The following EIF4ENIF1 variants were observed in gnomAD, a reference collection of about 807,000 sequenced individuals.
EIF4ENIF1 encodes the protein eukaryotic translation initiation factor 4E transporter.
A neutral mutation model predicts 110.5 loss-of-function variants in EIF4ENIF1; 23 were observed. The observed-to-expected ratio is 0.21, with a 90% CI of 0.15 to 0.29. The LOEUF is 0.29. Among genes scored for constraint, EIF4ENIF1 ranks in the 10% least tolerant of loss-of-function variants. EIF4ENIF1 has a pLI of 1.00. For missense variants in EIF4ENIF1, 1,031 were observed against 1,221.1 expected (o/e 0.84, Z 2.32); for synonymous variants, 440 against 437.0 (o/e 1.01, Z -0.09).
chr22:31,450,809 CAT>C (rs1265661575), intron 10 of EIF4ENIF1: 6 of 198,004 alleles, frequency 3.0e-5, no homozygotes, highest in Admixed American at 1.2e-4. Context: ...CATACACATA[CAT>C]ATACACACAT....
In EIF4ENIF1 at chr22:31,450,719, G is replaced by GAC. The variant is rs10550760; in HGVS notation, c.1513-361_1513-360dup. The GAC allele has an allele frequency of 4.2e-3, 1,040 of 246,504 alleles. 10 individuals carry two copies. Among genetic ancestry groups the GAC allele is most frequent in the African/African-American group, 0.02 (878 of 44,052 alleles). 15.3% of individuals were successfully genotyped at this position (246,504 alleles called of 1,614,324 possible). On this transcript the variant is annotated intron_variant, in intron 10 of 18. Coordinates refer to ENST00000330125, the MANE Select transcript of EIF4ENIF1 (RefSeq NM_019843.4). Reference sequence around the variant, plus strand: ...ATTACCTTTAACAAGATTTATTGGAGACACACACACACACACACACACTCA... The same window carrying GAC: ...ATTACCTTTAACAAGATTTATTGGAGACACACACACACACACACACACACTCA...
intron 2 of EIF4ENIF1, among the ~76,000 whole-genome samples, chr22:31,479,218 C>G (rs577381217): frequency 2.2e-4 from 33 of 152,096 alleles, no homozygotes; most frequent in African/African-American, 7.9e-4. Context: ...AGGCTCATGC[C>G]GCCATGCCCG....
intron 2 of EIF4ENIF1, among the ~76,000 whole-genome samples, chr22:31,482,248 GGTCA>G (rs982544868): frequency 6.6e-6 from 1 of 152,028 alleles, no homozygotes; most frequent in Non-Finnish European, 1.5e-5. Flanking sequence ...GTTTAACACT[GGTCA>G]GTATCAAGCT....
chr22:31,459,452 C>T (rs1301250480), intron 6 of EIF4ENIF1, among the ~76,000 whole-genome samples: 4 of 152,154 alleles, frequency 2.6e-5, no homozygotes, highest in Admixed American at 1.3e-4. Flanking sequence ...TCCTTCAAGG[C>T]GAAATTCAAA....
chr22:31,490,332 T>G (rs1328533156), upstream of EIF4ENIF1, among the ~76,000 whole-genome samples: 1 of 152,234 alleles, frequency 6.6e-6, no homozygotes, highest in Non-Finnish European at 1.5e-5. Flanking sequence ...GATAGGAGAT[T>G]GGGGTCTTCC....
chr22:31,467,414 A>G (rs1281665384), intron 4 of EIF4ENIF1, among the ~76,000 whole-genome samples: 1 of 152,172 alleles, frequency 6.6e-6, no homozygotes, highest in Non-Finnish European at 1.5e-5. Flanking sequence ...TTCACCCTTA[A>G]ACAACGTTTC....
intron 6 of EIF4ENIF1, 104 bp from the exon 7 acceptor site, chr22:31,458,754 T>A: frequency 9.4e-7 from 1 of 1,068,170 alleles, no homozygotes; most frequent in Non-Finnish European, 1.3e-6. Flanking sequence ...ACACATGACT[T>A]AAAAAGCAGA....
chr22:31,458,677 G>C, intron 6 of EIF4ENIF1, 27 bp from the exon 7 acceptor site: 1 of 1,547,370 alleles, frequency 6.5e-7, no homozygotes, highest in Non-Finnish European at 8.7e-7. Flanking sequence ...GACAAAAACC[G>C]TCTGATAAGT....
intron 7 of EIF4ENIF1, 148 bp from the exon 8 acceptor site, chr22:31,456,135 CCT>C: frequency 1.4e-6 from 1 of 739,046 alleles, no homozygotes; most frequent in Non-Finnish European, 2.1e-6. Context: ...AATTTGAACA[CCT>C]TTTTCTTCCT....
Position 31,463,956 on chromosome 22 carries a change from G to A in EIF4ENIF1, c.310C>T (p.Arg104Cys), listed in dbSNP as rs1037094683. 6.2e-6 allele frequency: 10 copies of A among 1,611,738 alleles called. No individual in the cohort carries two copies. In the African/African-American group the frequency reaches 6.7e-5, roughly 11 times the overall value. ...LVRRIVDPRE[R>C]VKEDDLDVVL... ...ACATCTAAGTCATCTTCTTTCACAC[G>A]CTCTCGTGGATCTGGAAGGACGTGG... The change falls in exon 5 of 19, where the codon CGT (arginine) becomes TGT (cysteine). Residue 104 changes from arginine to cysteine, a missense_variant. Physicochemically the swap from Arg to Cys is radical, Grantham distance 180. Around this residue, in one of 3 missense-constraint regions of EIF4ENIF1, gnomAD observed 704 missense variants for 879.7 expected, o/e 0.80. Coordinates refer to ENST00000330125, the MANE Select transcript of EIF4ENIF1 (RefSeq NM_019843.4).
rs1326565459 is a variant in EIF4ENIF1, at chr22:31,463,618, C to CCTGGGCAACAA, written c.585+52_585+62dup. On this transcript the variant is annotated intron_variant, in intron 5 of 18. Transcript: ENST00000330125. ...TCAAGATCGTGCCATTGCACTCCAGCCTGGGCAACAAGAGCGAAACTCCGT... is the reference window on the plus strand; with the variant it reads ...TCAAGATCGTGCCATTGCACTCCAGCCTGGGCAACAACTGGGCAACAAGAGCGAAACTCCGT... 2.1e-6 allele frequency: 3 copies of CCTGGGCAACAA among 1,456,450 alleles called. No homozygotes were observed. In the East Asian group the frequency reaches 7.4e-5, roughly 36 times the overall value. The allele number at this position is 1,456,450 out of a possible 1,614,324, so 90.2% of individuals were successfully genotyped here.
chr22:31,437,352 A>C (rs951048266), downstream of EIF4ENIF1: 2 of 152,002 alleles, frequency 1.3e-5, no homozygotes, highest in African/African-American at 4.8e-5. Context: ...CCTGCAAGAC[A>C]TCAAAAGTTT....
chr22:31,480,493 C>T (rs1417127389), intron 2 of EIF4ENIF1, among the ~76,000 whole-genome samples: 2 of 152,190 alleles, frequency 1.3e-5, no homozygotes, highest in Admixed American at 1.3e-4. Context: ...CGTGGTGGCT[C>T]ACGCCTGTAA....
At chr22:31,463,383 A>G (rs2051061104) in intron 5 of EIF4ENIF1, among the ~76,000 whole-genome samples, 1 of 152,090 alleles carries the variant, frequency 6.6e-6, no homozygotes, top group Non-Finnish European at 1.5e-5. Flanking sequence ...CAAAGAATCT[A>G]GAAGACAAAC....
chr22:31,441,238 G>A (rs1035148796), intron 17 of EIF4ENIF1, among the ~76,000 whole-genome samples: 12 of 151,800 alleles, frequency 7.9e-5, no homozygotes, highest in Admixed American at 7.2e-4. Context: ...GGGCGACAGA[G>A]CGAGACTCAA....
chr22:31,437,578 A>C (rs1601541557), downstream of EIF4ENIF1: 1 of 151,586 alleles, frequency 6.6e-6, no homozygotes, highest in East Asian at 2.0e-4. Flanking sequence ...GCCATTTGCC[A>C]ATCACCAGCT....
intron 2 of EIF4ENIF1, among the ~76,000 whole-genome samples, chr22:31,472,547 G>A (rs2051417745): frequency 6.6e-6 from 1 of 152,186 alleles, no homozygotes; most frequent in South Asian, 2.1e-4. Flanking sequence ...GGGATTACAG[G>A]TGTGAGCAAC....
At chr22:31,483,910 T>C (rs2051920614) in intron 2 of EIF4ENIF1, among the ~76,000 whole-genome samples, 1 of 152,198 alleles carries the variant, frequency 6.6e-6, no homozygotes. Context: ...CAGGTGCATA[T>C]GATAAACCCA....
intron 8 of EIF4ENIF1, among the ~76,000 whole-genome samples, chr22:31,455,614 G>A (rs1327822556): frequency 1.3e-5 from 2 of 151,982 alleles, no homozygotes; most frequent in African/African-American, 4.8e-5. Context: ...TGGCCAGGCT[G>A]GTCTCAAACT....
Sources: gnomAD v4.1 joint callset for allele counts (sites outside exome capture counted in the v4.1 genomes callset) on GRCh38, gnomAD v4.1.1 for gene constraint, gnomAD v4.1.1 regional missense constraint, MANE v1.5 for transcripts, NCBI Gene and HGNC (gene_info 2026-07-23, HGNC 2026-07-21) for gene names.